Variants in DDI2 observed in about 807,000 individuals in gnomAD.
DDI2 encodes the protein DDI proteasomal shuttling factor 2, also known as protein DDI1 homolog 2.
DDI2 carries 5 observed loss-of-function variants against 48.1 expected under a neutral mutation model. That is an observed-to-expected ratio of 0.10 (90% confidence interval 0.05 to 0.22). The LOEUF is 0.22. DDI2 is among the 10% of genes least tolerant of loss of function. DDI2 has a pLI of 1.00. For synonymous variants in DDI2, 205 were observed against 183.6 expected (o/e 1.12, Z -0.94); for missense variants, 285 against 506.2 (o/e 0.56, Z 4.19).
At chr1:15,640,082 G>A (rs1639983633) in intron 5 of DDI2, among the ~76,000 whole-genome samples, 1 of 151,974 alleles carries the variant, frequency 6.6e-6, no homozygotes, top group African/African-American at 2.4e-5. Flanking sequence ...AAAAAAAACT[G>A]AAATTATTCA....
chr1:15,666,139 C>G lies in DDI2; in HGVS notation c.*6349C>G, dbSNP rs1640450119. Reference sequence around the variant, plus strand: ...CAACAAATTAAATTCAAAGCCTGTCCTTGAGAACTGGAAATGTAAAATCAT... The same window carrying G: ...CAACAAATTAAATTCAAAGCCTGTCGTTGAGAACTGGAAATGTAAAATCAT... On this transcript the variant is annotated 3_prime_UTR_variant, in exon 10 of 10. Transcript: ENST00000480945. 6.6e-6 allele frequency: 1 copy of G among 152,158 alleles called. No homozygotes were observed. The highest frequency in any genetic ancestry group is 2.1e-4 in the South Asian group (1 of 4,832). 9.4% of individuals were successfully genotyped at this position (152,158 alleles called of 1,614,324 possible). A position where few individuals can be genotyped will look rare whatever the true frequency, so the allele number is the denominator to read the frequency against.
At chr1:15,626,222 T>A (rs781330297) in intron 1 of DDI2, among the ~76,000 whole-genome samples, 1 of 152,236 alleles carries the variant, frequency 6.6e-6, no homozygotes, top group Non-Finnish European at 1.5e-5. Context: ...ACAAAGTCTT[T>A]GTCCTCAAGT....
rs1557615300 is a variant in DDI2, at chr1:15,633,546, A to G, written c.613A>G (p.Lys205Glu). The G allele has an allele frequency of 6.2e-7, 1 of 1,613,098 alleles. No individual in the cohort carries two copies. Among genetic ancestry groups the G allele is most frequent in the Non-Finnish European group, 8.5e-7 (1 of 1,179,302 alleles). ...TCCCTTTGACCTTGAAGCTCAGGCA[A>G]AGATAGAAGAAGATATAAGGTAAAG... is the stretch of plus-strand genomic sequence containing the variant. ...ADPFDLEAQA[K>E]IEEDIRQQNI... The change falls in exon 4 of 10, where the codon AAG becomes GAG. Residue 205 changes from lysine to glutamate, a missense_variant. This residue lies in a region of DDI2 where 70 missense variants were observed against 182.3 expected (regional missense o/e 0.38). Transcript: ENST00000480945.
chr1:15,650,235 G>A (rs1342132610), intron 7 of DDI2, among the ~76,000 whole-genome samples: 1 of 152,124 alleles, frequency 6.6e-6, no homozygotes, highest in East Asian at 1.9e-4. Context: ...GTATATGTTG[G>A]GAGTGAAAGT....
At chr1:15,651,944 C>A (rs373398148) in intron 8 of DDI2, 49 bp downstream of exon 8, 1 of 1,564,678 alleles carries the variant, frequency 6.4e-7, no homozygotes, top group Admixed American at 1.8e-5. Flanking sequence ...ATGGGTAAGC[C>A]CGGGAAGTGT....
In DDI2 at chr1:15,659,867, G is replaced by A. The variant is rs546072747; in HGVS notation, c.*77G>A. ...AGTGGTAAAGAATCTACCTCACTGG[G>A]AATGTCATCATTACCAACTTCAGAT... On this transcript the variant is annotated 3_prime_UTR_variant, in exon 10 of 10. Transcript: ENST00000480945. 6 of 1,563,818 alleles carry A rather than the reference G, an allele frequency of 3.8e-6. No individual in the cohort carries two copies. The African/African-American group carries it at 6.8e-5, about 18-fold the overall frequency.
intron 3 of DDI2, among the ~76,000 whole-genome samples, chr1:15,632,931 TA>T (rs766037022): frequency 0.029 from 3,086 of 105,954 alleles, 152 homozygotes; most frequent in African/African-American, 0.11. Flanking sequence ...TTTTTTTTTT[TA>T]AAAAAAAAAA....
At position 15,656,474 on chromosome 1, in the gene DDI2, C is replaced by T. The variant is rs1640275309; in HGVS notation, c.1184-143C>T. 1.9e-6 allele frequency: 3 copies of T among 1,550,562 alleles called. No homozygotes were observed. In the East Asian group the frequency reaches 6.9e-5, roughly 36 times the overall value. On this transcript the variant is annotated intron_variant, in intron 8 of 9. Transcript: ENST00000480945. The stretch of plus-strand genomic sequence containing the variant: ...AGCAACCAACAAATATTTTGGATGT[C>T]CAAACTACAGAAACATCCCTCAACT...
intron 3 of DDI2, among the ~76,000 whole-genome samples, chr1:15,631,033 C>CG (rs34151830): frequency 1.3e-5 from 2 of 152,080 alleles, no homozygotes; most frequent in Non-Finnish European, 2.9e-5. Context: ...TTATTAGAGA[C>CG]GGGGTTTCAC....
chr1:15,628,294 C>T (rs1639789381), intron 2 of DDI2, among the ~76,000 whole-genome samples: 1 of 152,210 alleles, frequency 6.6e-6, no homozygotes, highest in African/African-American at 2.4e-5. Flanking sequence ...AGATCATCCT[C>T]TTCACTTCAC....
Position 15,664,517 on chromosome 1 carries a change from TAAG to T in DDI2, c.*4728_*4730del, listed in dbSNP as rs1304591780. 6.6e-6 allele frequency: 1 copy of T among 152,130 alleles called. No homozygotes were observed. The highest frequency in any genetic ancestry group is 2.4e-5 in the African/African-American group (1 of 41,416). 9.4% of individuals were successfully genotyped at this position (152,130 alleles called of 1,614,324 possible). On this transcript the variant is annotated 3_prime_UTR_variant, in exon 10 of 10. Coordinates refer to ENST00000480945, the MANE Select transcript of DDI2 (RefSeq NM_032341.5). ...CAGCTCTAGAATGCAAAGGGTATAT[TAAG>T]GAGCATTACAATAGTGAACCTTCAT...
rs1640416578 is a variant in DDI2, at chr1:15,664,051, C to A, written c.*4261C>A. The stretch of plus-strand genomic sequence containing the variant: ...ACTCTGAATGAGCTTAACCCACTTG[C>A]CAAATATCCTTGTCCCTTCCATCAT... On this transcript the variant is annotated 3_prime_UTR_variant, in exon 10 of 10. Coordinates refer to ENST00000480945, the MANE Select transcript of DDI2 (RefSeq NM_032341.5). 1 of 152,074 alleles carries A rather than the reference C, an allele frequency of 6.6e-6. No individual in the cohort carries two copies. The highest frequency in any genetic ancestry group is 1.5e-5 in the Non-Finnish European group (1 of 68,020). The allele number at this position is 152,074 out of a possible 1,614,324, so 9.4% of individuals were successfully genotyped here. A position where few individuals can be genotyped will look rare whatever the true frequency, so the allele number is the denominator to read the frequency against.
Position 15,660,453 on chromosome 1 carries a change from C to A in DDI2, c.*663C>A, listed in dbSNP as rs1324303479. ...AAGAATATCTTTGTAACATAGGGGA[C>A]CTTGAGCTTCCTGAAGAAAGGCAAC... On this transcript the variant is annotated 3_prime_UTR_variant, in exon 10 of 10. Transcript: ENST00000480945. 4 of 1,613,970 alleles carry A rather than the reference C, an allele frequency of 2.5e-6. No homozygotes were observed. The African/African-American group carries it at 5.3e-5, about 22-fold the overall frequency.
At chr1:15,620,771 A>G (rs537516110) in intron 1 of DDI2, among the ~76,000 whole-genome samples, 60 of 152,182 alleles carry the variant, frequency 3.9e-4, no homozygotes, top group Non-Finnish European at 7.2e-4. Flanking sequence ...AACGTGCATT[A>G]TATGCATATA....
chr1:15,639,940 C>T (rs995453096), intron 5 of DDI2, among the ~76,000 whole-genome samples: 35 of 151,612 alleles, frequency 2.3e-4, no homozygotes, highest in African/African-American at 7.7e-4. Context: ...CCTGTGGTGA[C>T]GGCAGAGGTC....
At chr1:15,623,387 CTTTTT>C (rs777821777) in intron 1 of DDI2, among the ~76,000 whole-genome samples, 18 of 107,490 alleles carry the variant, frequency 1.7e-4, no homozygotes, top group African/African-American at 5.6e-4. Context: ...TTTTCTTCTT[CTTTTT>C]TTTTTTTTTT....
intron 8 of DDI2, among the ~76,000 whole-genome samples, chr1:15,654,206 A>G (rs1640235165): frequency 6.6e-6 from 1 of 152,206 alleles, no homozygotes; most frequent in African/African-American, 2.4e-5. Context: ...AGAGTTTTAA[A>G]AACAGCCAGG....
At chr1:15,636,838 A>G (rs1464057832) in intron 4 of DDI2, among the ~76,000 whole-genome samples, 2 of 152,234 alleles carry the variant, frequency 1.3e-5, no homozygotes, top group South Asian at 4.1e-4. Context: ...GCTCATGTTC[A>G]GCTCCGCCAC....
At position 15,651,120 on chromosome 1, in the gene DDI2, C is replaced by T. The variant is rs895703071; in HGVS notation, c.994-586C>T. Among the ~76,000 whole-genome samples the T allele has an allele frequency of 2.7e-4, 41 of 151,126 alleles. 1 individual carries two copies. Among genetic ancestry groups the T allele is most frequent in the Admixed American group, 1.7e-3 (26 of 15,168 alleles). On this transcript the variant is annotated intron_variant, in intron 7 of 9. Transcript: ENST00000480945. ...CGCCCGCCTCAGCCTCCCAAAGTGC[C>T]GGGATTACAGGCGTGAGCCACCACG...
Sources: gnomAD v4.1 joint callset for allele counts (sites outside exome capture counted in the v4.1 genomes callset) on GRCh38, gnomAD v4.1.1 for gene constraint, gnomAD v4.1.1 regional missense constraint, MANE v1.5 for transcripts, NCBI Gene and HGNC (gene_info 2026-07-23, HGNC 2026-07-21) for gene names.